Variants in TANGO2 observed in about 807,000 individuals in gnomAD.
TANGO2 encodes transport and golgi organization 2 homolog.
TANGO2 carries 26 observed loss-of-function variants against 39.1 expected under a neutral mutation model. The ratio of observed to expected loss-of-function variants is 0.67; its 90% CI spans 0.49 to 0.92. TANGO2 has a LOEUF of 0.92. Ranked by LOEUF, TANGO2 falls within the 40% of genes least tolerant of loss-of-function variation. TANGO2 has a pLI of 0.00. For synonymous variants in TANGO2, 131 were observed against 144.5 expected, an observed-to-expected ratio of 0.91 and a Z score of 0.67; for missense variants, 326 against 360.1, an observed-to-expected ratio of 0.91 and a Z score of 0.77.
At chr22:20,020,850 TGCAGGCAGGGAGCC>T (rs2039525639), upstream of TANGO2, among the ~76,000 whole-genome samples, 1 of 152,054 alleles carries the variant, frequency 6.6e-6, no homozygotes. Flanking sequence ...ATGGCGTCCC[TGCAGGCAGGGAGCC>T]GCGGAGTCCC....
chr22:20,017,727 A>G (rs1182708773), upstream of TANGO2, among the ~76,000 whole-genome samples: 3 of 152,108 alleles, frequency 2.0e-5, no homozygotes, highest in Non-Finnish European at 4.4e-5. Context: ...CGTAGGTTAC[A>G]TTTCCTTGCC....
At chr22:20,061,747 A>T in intron 7 of TANGO2, 64 bp downstream of exon 7, 1 of 1,476,876 alleles carries the variant, frequency 6.8e-7, no homozygotes, top group South Asian at 1.4e-5. Context: ...AGGGAAAGGC[A>T]GGCCCTGCTG....
At chr22:20,061,709 G>A (rs2048419013) in intron 7 of TANGO2, 26 bp downstream of exon 7, 3 of 1,524,622 alleles carry the variant, frequency 2.0e-6, no homozygotes, top group South Asian at 2.5e-5. Flanking sequence ...CTGCTGGGGT[G>A]AGCCCCAGTG....
rs553283015 is a variant in TANGO2 at position 20,050,981 on chromosome 22, C to G, written c.146-1484C>G. 2.4e-4 allele frequency among the ~76,000 whole-genome samples: 37 copies of G among 151,292 alleles called. No homozygotes were observed. The East Asian group carries it at 7.5e-3, about 30-fold the overall frequency. On this transcript the variant is annotated intron_variant, in intron 3 of 8. Transcript: ENST00000327374. ...TAGCTGGGATTATAGGCTGCCTCAG[C>G]CTCCTAAGTAGTTGGGATTACAGGC...
intron 4 of TANGO2, 23 bp from the exon 5 acceptor site, chr22:20,053,414 C>T (rs371290518): frequency 3.3e-6 from 5 of 1,509,182 alleles, no homozygotes; most frequent in Non-Finnish European, 4.6e-6. Flanking sequence ...GCTGTGGACA[C>T]AGCATCTGTC....
upstream of TANGO2, among the ~76,000 whole-genome samples, chr22:20,018,522 C>G (rs1300202771): frequency 6.6e-6 from 1 of 152,190 alleles, no homozygotes; most frequent in Non-Finnish European, 1.5e-5. Flanking sequence ...TGCACCACCC[C>G]CTCCCCACAC....
chr22:20,023,097 A>C (rs1232747755), intron 1 of TANGO2, among the ~76,000 whole-genome samples: 1 of 152,160 alleles, frequency 6.6e-6, no homozygotes, highest in African/African-American at 2.4e-5. Flanking sequence ...TTTTTCTCTC[A>C]ACTTCCCTTT....
intron 1 of TANGO2, among the ~76,000 whole-genome samples, chr22:20,026,397 CAAAA>C (rs34580239): frequency 7.3e-6 from 1 of 137,890 alleles, no homozygotes; most frequent in Non-Finnish European, 1.6e-5. Flanking sequence ...GACTTCGTCT[CAAAA>C]AAAAAAAAAA....
rs189840847 is a variant in TANGO2, at chr22:20,057,853, C to T, written c.451+1840C>T. On this transcript the variant is annotated intron_variant, in intron 6 of 8. Transcript: ENST00000327374. This position sits in a 1 kb window ranked among gnomAD's most constrained non-coding sequence, Gnocchi z 4.1. ...ACCACCCCCTCACTGTGAACATTGGCCCAGCGGCCTCTGGGGCAGTCGCTG... is the reference window on the plus strand; with the variant it reads ...ACCACCCCCTCACTGTGAACATTGGTCCAGCGGCCTCTGGGGCAGTCGCTG... 1.9e-3 allele frequency among the ~76,000 whole-genome samples: 287 copies of T among 152,282 alleles called. 2 individuals are homozygous for T. The highest frequency in any genetic ancestry group is 6.5e-3 in the African/African-American group (271 of 41,572).
upstream of TANGO2, among the ~76,000 whole-genome samples, chr22:20,020,842 G>A (rs1227337806): frequency 6.6e-6 from 1 of 152,138 alleles, no homozygotes; most frequent in African/African-American, 2.4e-5. Flanking sequence ...GACCTCCCAT[G>A]GCGTCCCTGC....
chr22:20,037,626 A>C (rs1247578498), intron 2 of TANGO2, among the ~76,000 whole-genome samples: 5 of 152,026 alleles, frequency 3.3e-5, no homozygotes. Context: ...TTTCAGGCCA[A>C]GGAATCAGGA....
chr22:20,049,269 G>A (rs914751024), intron 3 of TANGO2, among the ~76,000 whole-genome samples: 1 of 152,168 alleles, frequency 6.6e-6, no homozygotes, highest in Admixed American at 6.5e-5. Context: ...GAACATATAT[G>A]TGTGGGTCTA....
intron 1 of TANGO2, among the ~76,000 whole-genome samples, chr22:20,021,812 G>A (rs1370455024): frequency 1.3e-5 from 2 of 152,244 alleles, no homozygotes; most frequent in Non-Finnish European, 2.9e-5. Context: ...GGCACAGAGG[G>A]CTGTTTGCTG....
At chr22:20,031,736 C>T (rs977405084) in intron 1 of TANGO2, among the ~76,000 whole-genome samples, 5 of 152,184 alleles carry the variant, frequency 3.3e-5, no homozygotes, top group Non-Finnish European at 7.4e-5. Context: ...TGCACCCTGG[C>T]GGGGATCAGC....
chr22:20,045,596 C>G (rs1037264244), intron 3 of TANGO2, among the ~76,000 whole-genome samples: 2 of 150,344 alleles, frequency 1.3e-5, no homozygotes, highest in Non-Finnish European at 3.0e-5. Flanking sequence ...CTCCATCTCC[C>G]GGGTTCAAGC....
upstream of TANGO2, among the ~76,000 whole-genome samples, chr22:20,020,884 C>A (rs1343644705): frequency 6.6e-6 from 1 of 152,154 alleles, no homozygotes; most frequent in African/African-American, 2.4e-5. Context: ...CCGAAGGCCG[C>A]TGGATCAGGA....
At chr22:20,034,073 C>A (rs1191818746) in intron 1 of TANGO2, among the ~76,000 whole-genome samples, 1 of 152,118 alleles carries the variant, frequency 6.6e-6, no homozygotes, top group Non-Finnish European at 1.5e-5. Context: ...GGCGTGGTGG[C>A]GCATGCCTGT....
chr22:20,049,127 AC>A (rs1218987441), intron 3 of TANGO2, among the ~76,000 whole-genome samples: 3 of 152,148 alleles, frequency 2.0e-5, no homozygotes, highest in African/African-American at 7.2e-5. Context: ...AAGGTTTTGT[AC>A]ATGGTGTGAG....
At chr22:20,017,272 C>CT, upstream of TANGO2, 1 of 152,438 alleles carries the variant, frequency 6.6e-6, no homozygotes, top group Admixed American at 6.5e-5. Flanking sequence ...ATTCTTCACG[C>CT]AAGCCGCGAG....
Sources: allele counts gnomAD v4.1 joint callset (sites outside exome capture counted in the v4.1 genomes callset), GRCh38; gene constraint gnomAD v4.1.1; non-coding constraint Gnocchi (gnomAD v3.1); transcripts MANE v1.5; gene names NCBI Gene and HGNC (gene_info 2026-07-23, HGNC 2026-07-21).